Variants in COL22A1 observed in about 807,000 individuals in gnomAD.
The protein encoded by COL22A1 is collagen alpha-1(XXII) chain.
Under a neutral mutation model 248.9 loss-of-function variants are expected in COL22A1, and 221 were observed. The ratio of observed to expected loss-of-function variants is 0.89; its 90% CI spans 0.80 to 0.99. COL22A1 has a LOEUF of 0.99. Among genes scored for constraint, COL22A1 ranks in the 50% least tolerant of loss-of-function variants. The pLI is 0.00. For missense variants in COL22A1, 2,240 were observed against 2,179.0 expected (o/e 1.03, Z -0.56); for synonymous variants, 891 against 793.4 (o/e 1.12, Z -2.07).
At chr8:138,782,708 T>G (rs1294093536) in intron 12 of COL22A1, among the ~76,000 whole-genome samples, 1 of 152,150 alleles carries the variant, frequency 6.6e-6, no homozygotes, top group Non-Finnish European at 1.5e-5. Context: ...AGCAGCAGGA[T>G]GGCTGCAAGG....
At chr8:138,781,050 G>T in intron 12 of COL22A1, 70 bp from the exon 13 acceptor site, 1 of 1,090,116 alleles carries the variant, frequency 9.2e-7, no homozygotes, top group Non-Finnish European at 1.3e-6. Flanking sequence ...TGCTAGTGCA[G>T]TGGAGAACGT....
At chr8:138,764,254 C>T (rs938381168) in intron 16 of COL22A1, among the ~76,000 whole-genome samples, 13 of 152,186 alleles carry the variant, frequency 8.5e-5, no homozygotes, top group African/African-American at 3.1e-4. Context: ...GGGAACCTCC[C>T]GTGGGTGGGA....
chr8:138,599,218 TG>T (rs1479374028), intron 60 of COL22A1, among the ~76,000 whole-genome samples: 1 of 152,150 alleles, frequency 6.6e-6, no homozygotes, highest in East Asian at 1.9e-4. Flanking sequence ...GGCAGGCGCC[TG>T]TAGTCCCAGC....
chr8:138,734,005 A>T (rs1001339111), intron 23 of COL22A1, among the ~76,000 whole-genome samples: 1 of 152,146 alleles, frequency 6.6e-6, no homozygotes, highest in Non-Finnish European at 1.5e-5. Flanking sequence ...TGCGGAAATT[A>T]TTCAAACTGT....
chr8:138,744,180 G>T (rs1831924687), intron 22 of COL22A1, among the ~76,000 whole-genome samples: 1 of 152,162 alleles, frequency 6.6e-6, no homozygotes, highest in Non-Finnish European at 1.5e-5. Flanking sequence ...GCAGGAAAGA[G>T]ATTTTAGAAT....
chr8:138,836,784 A>AT (rs1015447138), intron 4 of COL22A1, among the ~76,000 whole-genome samples: 4 of 152,154 alleles, frequency 2.6e-5, no homozygotes, highest in South Asian at 4.1e-4. Flanking sequence ...GTCAAACTGC[A>AT]TTTTTTACAT....
chr8:138,791,903 TTGC>T (rs1430811241), intron 12 of COL22A1, among the ~76,000 whole-genome samples: 11 of 152,048 alleles, frequency 7.2e-5, no homozygotes, highest in Admixed American at 7.2e-4. Context: ...TTATATTTGC[TTGC>T]TGATTTTTTT....
intron 11 of COL22A1, among the ~76,000 whole-genome samples, chr8:138,801,677 G>A (rs985321632): frequency 6.6e-6 from 1 of 152,128 alleles, no homozygotes; most frequent in African/African-American, 2.4e-5. Flanking sequence ...TCAGGAGTTT[G>A]AGACCAGCCT....
chr8:138,853,971 G>T (rs1479989181), intron 3 of COL22A1, among the ~76,000 whole-genome samples: 1 of 152,184 alleles, frequency 6.6e-6, no homozygotes, highest in African/African-American at 2.4e-5. Context: ...ACCAGTGTGG[G>T]GTAGAATGAT....
rs889973067 is a variant in COL22A1, at chr8:138,623,582, T to A, written c.3771+150A>T. On this transcript the variant is annotated intron_variant, in intron 52 of 64. Transcript: ENST00000303045. ...TTCTGCTTTAAAATGGGGACAGCAGTGTTTACTGTGCAGGAGTATGTAAAT... is the reference window on the plus strand; with the variant it reads ...TTCTGCTTTAAAATGGGGACAGCAGAGTTTACTGTGCAGGAGTATGTAAAT... The A allele has an allele frequency of 8.4e-6, 5 of 593,170 alleles. No individual in the cohort carries two copies. The African/African-American group carries it at 9.5e-5, about 11-fold the overall frequency. The allele number at this position is 593,170 out of a possible 1,614,324, so 36.7% of individuals were successfully genotyped here.
chr8:138,909,520 A>G (rs943991790), intron 1 of COL22A1, among the ~76,000 whole-genome samples: 79 of 152,270 alleles, frequency 5.2e-4, no homozygotes, highest in Non-Finnish European at 7.8e-4. Flanking sequence ...CTTAGGATAC[A>G]GTTTCAACCA....
At chr8:138,729,832 C>T (rs1425928242) in intron 23 of COL22A1, among the ~76,000 whole-genome samples, 1 of 152,076 alleles carries the variant, frequency 6.6e-6, no homozygotes, top group Non-Finnish European at 1.5e-5. Context: ...ATAGAGCAGC[C>T]GCCTCGCCTT....
intron 22 of COL22A1, among the ~76,000 whole-genome samples, chr8:138,745,873 C>G (rs971205672): frequency 2.6e-5 from 4 of 152,210 alleles, no homozygotes; most frequent in Non-Finnish European, 5.9e-5. Flanking sequence ...AACTAGATGA[C>G]AGTGCTCCCT....
At chr8:138,719,329 C>A (rs1829691045) in intron 27 of COL22A1, among the ~76,000 whole-genome samples, 1 of 151,882 alleles carries the variant, frequency 6.6e-6, no homozygotes, top group Non-Finnish European at 1.5e-5. Flanking sequence ...ATTTAAATGT[C>A]AATATTGAAT....
intron 9 of COL22A1, 113 bp downstream of exon 9, chr8:138,811,686 C>A: frequency 8.0e-7 from 1 of 1,257,366 alleles, no homozygotes. Context: ...TGTCAGCTGA[C>A]AGCCATGGGC....
At chr8:138,658,837 G>T (rs567883886) in intron 44 of COL22A1, among the ~76,000 whole-genome samples, 1 of 150,694 alleles carries the variant, frequency 6.6e-6, no homozygotes, top group African/African-American at 2.5e-5. Context: ...GGGACCATTC[G>T]GGAGGAGTAT....
In COL22A1 at chr8:138,613,855, A is replaced by T; in HGVS notation, c.3978+12T>A. 2.5e-6 allele frequency: 4 copies of T among 1,613,020 alleles called. No individual in the cohort carries two copies. Among genetic ancestry groups the T allele is most frequent in the Non-Finnish European group, 3.4e-6 (4 of 1,178,930 alleles). ...ATAACATGAAGCACATTAGTCGCAA[A>T]GCAAAACTCACCGGTGGGCCCCTTG... is the stretch of plus-strand genomic sequence containing the variant. On this transcript the variant is annotated intron_variant, in intron 56 of 64. Transcript: ENST00000303045.
chr8:138,710,234 A>T (rs1828839777), intron 30 of COL22A1, among the ~76,000 whole-genome samples: 1 of 152,176 alleles, frequency 6.6e-6, no homozygotes, highest in Non-Finnish European at 1.5e-5. Flanking sequence ...GACGTCACTG[A>T]GCTGCTCCAC....
intron 12 of COL22A1, among the ~76,000 whole-genome samples, chr8:138,793,202 C>T (rs1480949873): frequency 1.3e-5 from 2 of 152,206 alleles, no homozygotes; most frequent in Non-Finnish European, 2.9e-5. Context: ...GCGTCAATTA[C>T]TTTGGAGACA....
Sources: gnomAD v4.1 joint callset for allele counts (sites outside exome capture counted in the v4.1 genomes callset) on GRCh38, gnomAD v4.1.1 for gene constraint, MANE v1.5 for transcripts, NCBI Gene and HGNC (gene_info 2026-07-23, HGNC 2026-07-21) for gene names.